Variants in CNR2 observed in about 807,000 individuals in gnomAD.
CNR2 encodes the protein cannabinoid receptor 2, also known as cannabinoid receptor 2 (macrophage).
For missense variants in CNR2, 379 were observed against 439.9 expected, an observed-to-expected ratio of 0.86 and a Z score of 1.24; for synonymous variants, 172 against 182.2, an observed-to-expected ratio of 0.94 and a Z score of 0.45.
chr1:23,881,739 A>T (rs1181021365), intron 1 of CNR2, among the ~76,000 whole-genome samples: 1 of 149,156 alleles, frequency 6.7e-6, no homozygotes, highest in African/African-American at 2.5e-5. Flanking sequence ...AAATACAAAA[A>T]ATTAGCTGGG....
rs546663258 is a variant in CNR2, at chr1:23,881,002, G to A, written c.-45-5340C>T. On this transcript the variant is annotated intron_variant, in intron 1 of 1. Transcript: ENST00000374472. ...TAGAAATTAATAATTAAGGCTGGGC[G>A]TGGTGGCTTACACCTGTAATCCCAG... Among the ~76,000 whole-genome samples the A allele has an allele frequency of 6.3e-3, 958 of 151,476 alleles. 6 individuals carry two copies. Among genetic ancestry groups the A allele is most frequent in the African/African-American group, 0.021 (870 of 41,440 alleles).
chr1:23,894,506 G>A (rs1214005603), intron 1 of CNR2, among the ~76,000 whole-genome samples: 1 of 142,288 alleles, frequency 7.0e-6, no homozygotes, highest in Non-Finnish European at 1.5e-5. Flanking sequence ...GGAAGGAAGG[G>A]AGGGAAAGAA....
chr1:23,906,291 G>A (rs543962650), intron 1 of CNR2, among the ~76,000 whole-genome samples: 1 of 152,096 alleles, frequency 6.6e-6, no homozygotes, highest in East Asian at 1.9e-4. Flanking sequence ...GAGCCCCACT[G>A]TCCTTGTCTG....
In CNR2 at chr1:23,883,677, T is replaced by G. The variant is rs181463141; in HGVS notation, c.-45-8015A>C. 5.8e-4 allele frequency among the ~76,000 whole-genome samples: 88 copies of G among 152,124 alleles called. 1 individual carries two copies. The highest frequency in any genetic ancestry group is 2.0e-3 in the African/African-American group (84 of 41,514). Reference sequence around the variant, plus strand: ...CTGTCTCTACTAAAATACAAAAAATTAGCCAGGCATGGTGGTGTGCGCCTG... The same window carrying G: ...CTGTCTCTACTAAAATACAAAAAATGAGCCAGGCATGGTGGTGTGCGCCTG... On this transcript the variant is annotated intron_variant, in intron 1 of 1. Coordinates refer to ENST00000374472, the MANE Select transcript of CNR2 (RefSeq NM_001841.3).
intron 1 of CNR2, among the ~76,000 whole-genome samples, chr1:23,898,202 TA>T (rs1392513442): frequency 1.3e-5 from 2 of 150,824 alleles, no homozygotes; most frequent in East Asian, 2.0e-4. Context: ...ATTTTTTTAT[TA>T]TTTTTTTGTA....
chr1:23,889,791 G>A (rs1044119939), intron 1 of CNR2, among the ~76,000 whole-genome samples: 1 of 152,150 alleles, frequency 6.6e-6, no homozygotes, highest in Non-Finnish European at 1.5e-5. Flanking sequence ...GTGACCTTGG[G>A]CACCTTACTG....
At chr1:23,892,336 T>C (rs138167206) in intron 1 of CNR2, among the ~76,000 whole-genome samples, 65 of 152,304 alleles carry the variant, frequency 4.3e-4, no homozygotes, top group African/African-American at 1.4e-3. Context: ...AGGCAAAATA[T>C]GGAAGCTTTC....
At chr1:23,907,900 T>TA (rs1479324383) in intron 1 of CNR2, 2 of 151,570 alleles carry the variant, frequency 1.3e-5, no homozygotes, top group Non-Finnish European at 2.9e-5. Context: ...TAAAGCCATA[T>TA]ATCAGCCAAA....
chr1:23,878,294 G>A (rs760099613), intron 1 of CNR2, among the ~76,000 whole-genome samples: 15 of 152,016 alleles, frequency 9.9e-5, no homozygotes, highest in Non-Finnish European at 1.9e-4. Context: ...AGCCCAGGGA[G>A]GCCAAGGCTT....
intron 1 of CNR2, among the ~76,000 whole-genome samples, chr1:23,876,520 A>T (rs1639877207): frequency 6.6e-6 from 1 of 151,696 alleles, no homozygotes; most frequent in Admixed American, 6.6e-5. Flanking sequence ...TTTATACTAG[A>T]TAAAATATAG....
At chr1:23,889,573 C>T (rs1640151872) in intron 1 of CNR2, among the ~76,000 whole-genome samples, 1 of 152,170 alleles carries the variant, frequency 6.6e-6, no homozygotes, top group Admixed American at 6.5e-5. Context: ...GTCCTTCCAC[C>T]TCAGCCTCCC....
chr1:23,908,860 G>A (rs1346525410), intron 1 of CNR2, among the ~76,000 whole-genome samples: 1 of 152,156 alleles, frequency 6.6e-6, no homozygotes, highest in African/African-American at 2.4e-5. Flanking sequence ...CGCAGCTGTG[G>A]CTCTCAAAGA....
intron 1 of CNR2, among the ~76,000 whole-genome samples, chr1:23,885,631 G>A (rs1640074168): frequency 1.3e-5 from 2 of 151,986 alleles, no homozygotes; most frequent in Admixed American, 6.6e-5. Context: ...TGTAATCCCA[G>A]CACTCTGGGA....
chr1:23,878,337 C>T (rs939591085), intron 1 of CNR2, among the ~76,000 whole-genome samples: 4 of 152,104 alleles, frequency 2.6e-5, no homozygotes, highest in Non-Finnish European at 2.9e-5. Context: ...TGCACTGCAG[C>T]CTGGGCAACA....
intron 1 of CNR2, among the ~76,000 whole-genome samples, chr1:23,897,987 G>A (rs1236613778): frequency 6.6e-6 from 1 of 151,870 alleles, no homozygotes; most frequent in African/African-American, 2.4e-5. Context: ...GTCCTTTTCT[G>A]TTGTTGTTCA....
chr1:23,902,745 G>T, intron 1 of CNR2: 1 of 1,530,630 alleles, frequency 6.5e-7, no homozygotes, highest in Non-Finnish European at 8.7e-7. Flanking sequence ...GGGGGACCGC[G>T]CCATTTGGGG....
At position 23,875,203 on chromosome 1, in the gene CNR2, G is replaced by T. The variant is rs750007574; in HGVS notation, c.415C>A (p.Pro139Thr). ...CGGGTGAGCAGAGCTTTGTAGGAAG[G>T]TGGATAGCGCAGGCAGAGGTATCGG... Reference protein sequence around the residue: ...IDRYLCLRYPPSYKALLTRGR... With the variant: ...IDRYLCLRYPTSYKALLTRGR... The change falls in exon 2 of 2, where the codon CCT (proline) becomes ACT (threonine). Residue 139 changes from proline to threonine, a missense_variant. Coordinates refer to ENST00000374472, the MANE Select transcript of CNR2 (RefSeq NM_001841.3). 5.6e-6 allele frequency: 9 copies of T among 1,614,064 alleles called. No homozygotes were observed. In the African/African-American group the frequency reaches 8.0e-5, roughly 14 times the overall value.
intron 1 of CNR2, among the ~76,000 whole-genome samples, chr1:23,906,824 C>T (rs182416675): frequency 6.6e-6 from 1 of 150,544 alleles, no homozygotes; most frequent in Non-Finnish European, 1.5e-5. Flanking sequence ...TCTAGGAGGT[C>T]AAGGCTGCAG....
rs1639861018 is a variant in CNR2, at chr1:23,875,582, G to A, written c.36C>T (p.Gly12=). The A allele has an allele frequency of 2.5e-6, 4 of 1,610,860 alleles. No homozygotes were observed. Among genetic ancestry groups the A allele is most frequent in the Non-Finnish European group, 3.4e-6 (4 of 1,177,774 alleles). The change falls in exon 2 of 2, where the codon GGC becomes GGT. Residue 12 remains glycine (G), a synonymous_variant. Transcript: ENST00000374472. ...EECWVTEIAN[G]SKDGLDSNPM... ...GGTTGGAATCCAAGCCATCCTTGGAGCCATTGGCTATCTCTGTCACCCAGC... is the reference window on the plus strand; with the variant it reads ...GGTTGGAATCCAAGCCATCCTTGGAACCATTGGCTATCTCTGTCACCCAGC...
Sources: allele counts gnomAD v4.1 joint callset (sites outside exome capture counted in the v4.1 genomes callset), GRCh38; gene constraint gnomAD v4.1.1; transcripts MANE v1.5; gene names NCBI Gene and HGNC (gene_info 2026-07-23, HGNC 2026-07-21).